Variants in PDE4D observed in about 807,000 individuals in gnomAD.
The protein encoded by PDE4D is 3',5'-cyclic-AMP phosphodiesterase 4D.
A neutral mutation model predicts 87.4 loss-of-function variants in PDE4D; 24 were observed. The observed-to-expected ratio is 0.27, with a 90% CI of 0.20 to 0.39. The LOEUF (loss-of-function observed/expected upper bound fraction) is 0.39, where lower values mean the gene tolerates loss of function less well. Ranked by LOEUF, PDE4D falls within the 10% of genes least tolerant of loss-of-function variation. PDE4D has a pLI of 1.00. For synonymous variants in PDE4D, 384 were observed against 383.2 expected (o/e 1.00, Z -0.02); for missense variants, 714 against 1,041.0 (o/e 0.69, Z 4.32).
chr5:59,177,053 C>G (rs1441916936), intron 5 of PDE4D, among the ~76,000 whole-genome samples: 1 of 152,154 alleles, frequency 6.6e-6, no homozygotes, highest in Non-Finnish European at 1.5e-5. Flanking sequence ...TCCATTACCC[C>G]CTTGTTACGG....
rs183268057 is a variant in PDE4D at position 60,348,450 on chromosome 5, T to A, written c.-90+139492A>T. Among the ~76,000 whole-genome samples the A allele has an allele frequency of 7.8e-3, 1,182 of 151,970 alleles. 9 individuals are homozygous for A. Among genetic ancestry groups the A allele is most frequent in the African/African-American group, 0.023 (970 of 41,490 alleles). On this transcript the variant is annotated intron_variant, in intron 1 of 16. Coordinates refer to the PDE4D transcript ENST00000502484. ...AATCTACCTCTGAGAACTCAAATTT[T>A]AAAAAAAACTCAAGTATGGAAATGG...
At chr5:60,237,761 G>A (rs1746591668) in intron 1 of PDE4D, among the ~76,000 whole-genome samples, 1 of 151,984 alleles carries the variant, frequency 6.6e-6, no homozygotes, top group Admixed American at 6.6e-5. Flanking sequence ...ACAAACACAT[G>A]AGATCAATGT....
At chr5:59,542,134 T>C (rs1261763450) in intron 1 of PDE4D, among the ~76,000 whole-genome samples, 1 of 152,152 alleles carries the variant, frequency 6.6e-6, no homozygotes. Context: ...AAGGTCAAGC[T>C]AGTTCTCCCA....
intron 1 of PDE4D, among the ~76,000 whole-genome samples, chr5:59,752,896 A>C (rs10514857): frequency 6.6e-6 from 1 of 151,968 alleles, no homozygotes; most frequent in African/African-American, 2.4e-5. Context: ...GCCATGTTAA[A>C]GGTGTGAACT....
At chr5:60,492,888 TA>T (rs915367488), upstream of PDE4D, among the ~76,000 whole-genome samples, 214 of 111,078 alleles carry the variant, frequency 1.9e-3, no homozygotes, top group Non-Finnish European at 3.1e-3. Context: ...ACTTAAAGTA[TA>T]AAAAAAAAAG....
At chr5:59,680,817 G>A (rs527791538) in intron 1 of PDE4D, among the ~76,000 whole-genome samples, 4 of 152,120 alleles carry the variant, frequency 2.6e-5, no homozygotes, top group East Asian at 1.9e-4. Flanking sequence ...GCTTCTCACC[G>A]TAACTTCTCA....
chr5:59,088,544 T>G (rs1446108775), intron 5 of PDE4D, among the ~76,000 whole-genome samples: 10 of 152,224 alleles, frequency 6.6e-5, no homozygotes, highest in Admixed American at 6.5e-4. Flanking sequence ...AGACATAGAA[T>G]CAACCTAAAT....
At chr5:60,166,492 A>T (rs1400754323) in intron 2 of PDE4D, among the ~76,000 whole-genome samples, 2 of 152,172 alleles carry the variant, frequency 1.3e-5, no homozygotes, top group African/African-American at 4.8e-5. Flanking sequence ...ATTATACTGC[A>T]TGTCCTGTAA....
In PDE4D at chr5:60,425,547, G is replaced by T. The variant is rs374725875; in HGVS notation, c.-90+62395C>A. 4.8e-3 allele frequency among the ~76,000 whole-genome samples: 721 copies of T among 151,044 alleles called. 10 individuals are homozygous for T. The highest frequency in any genetic ancestry group is 0.02 in the South Asian group (94 of 4,718). ...AAAAATTAATTCAAGATGGATTAAAGACTTAAATGTTAGACATAAAACCAT... is the reference window on the plus strand; with the variant it reads ...AAAAATTAATTCAAGATGGATTAAATACTTAAATGTTAGACATAAAACCAT... On this transcript the variant is annotated intron_variant, in intron 1 of 16. Transcript: ENST00000502484.
chr5:59,263,736 C>T (rs1009627744), intron 1 of PDE4D, among the ~76,000 whole-genome samples: 1 of 151,814 alleles, frequency 6.6e-6, no homozygotes, highest in Admixed American at 6.6e-5. Context: ...AGAGTACATG[C>T]TATATTATTC....
At chr5:59,418,759 G>A (rs765819917) in intron 1 of PDE4D, among the ~76,000 whole-genome samples, 3 of 151,950 alleles carry the variant, frequency 2.0e-5, no homozygotes, top group African/African-American at 2.4e-5. Flanking sequence ...ACCAATTCTC[G>A]TGCCTCAGAC....
chr5:60,472,350 C>G (rs1747876116), intron 1 of PDE4D, among the ~76,000 whole-genome samples: 2 of 152,136 alleles, frequency 1.3e-5, no homozygotes, highest in Admixed American at 1.3e-4. Context: ...TGATTCCAAC[C>G]CAGACAGTCT....
At chr5:59,074,742 G>A (rs1765404873) in intron 5 of PDE4D, among the ~76,000 whole-genome samples, 1 of 152,124 alleles carries the variant, frequency 6.6e-6, no homozygotes. Flanking sequence ...CTGGGTGACA[G>A]AGTGAGACAC....
intron 1 of PDE4D, among the ~76,000 whole-genome samples, chr5:59,302,915 G>A (rs1236712851): frequency 1.3e-5 from 2 of 152,156 alleles, no homozygotes; most frequent in African/African-American, 4.8e-5. Flanking sequence ...TGGGACTGCT[G>A]GATCAAGTGG....
intron 1 of PDE4D, among the ~76,000 whole-genome samples, chr5:59,444,879 C>T (rs1283012856): frequency 1.3e-5 from 2 of 152,142 alleles, no homozygotes; most frequent in Admixed American, 6.5e-5. Flanking sequence ...CTATCTCCTT[C>T]AGATGGGGCA....
intron 1 of PDE4D, chr5:59,703,786 T>C (rs1561507129): frequency 3.2e-6 from 1 of 314,824 alleles, no homozygotes; most frequent in Non-Finnish European, 6.7e-6. Context: ...TGTGCATGAA[T>C]GACTTGAAGC....
intron 2 of PDE4D, among the ~76,000 whole-genome samples, chr5:60,042,510 C>T (rs1768642306): frequency 6.6e-6 from 1 of 152,198 alleles, no homozygotes; most frequent in South Asian, 2.1e-4. Context: ...GGAGATACTT[C>T]CCAGCAGGGG....
intron 2 of PDE4D, chr5:60,185,533 T>C (rs1784710981): frequency 2.0e-6 from 3 of 1,475,400 alleles, no homozygotes; most frequent in Non-Finnish European, 2.7e-6. Flanking sequence ...GTTTAGAAAA[T>C]AGATGAAAAC....
intron 1 of PDE4D, among the ~76,000 whole-genome samples, chr5:59,560,287 G>A (rs1267279490): frequency 6.6e-6 from 1 of 152,074 alleles, no homozygotes; most frequent in African/African-American, 2.4e-5. Context: ...CCTTTATTAT[G>A]AACCCACTAC....
Sources: gnomAD v4.1 joint callset for allele counts (sites outside exome capture counted in the v4.1 genomes callset) on GRCh38, gnomAD v4.1.1 for gene constraint, MANE v1.5 for transcripts, NCBI Gene and HGNC (gene_info 2026-07-23, HGNC 2026-07-21) for gene names.